The following DOCK9 variants were observed in gnomAD, a reference collection of about 807,000 sequenced individuals.
The protein encoded by DOCK9 is dedicator of cytokinesis protein 9.
A neutral mutation model predicts 263.3 loss-of-function variants in DOCK9; 89 were observed. The ratio of observed to expected loss-of-function variants is 0.34; its 90% confidence interval spans 0.28 to 0.40. The LOEUF is 0.40. Ranked by LOEUF, DOCK9 falls within the 10% of genes least tolerant of loss-of-function variation. The pLI, the probability that DOCK9 is intolerant of heterozygous loss-of-function variation, is 1.00. For missense variants in DOCK9, 2,140 were observed against 2,603.4 expected (o/e 0.82, Z 3.87); for synonymous variants, 976 against 973.1 (o/e 1.00, Z -0.06).
intron 2 of DOCK9, among the ~76,000 whole-genome samples, chr13:98,940,792 C>G (rs2055704562): frequency 6.6e-6 from 1 of 152,148 alleles, no homozygotes; most frequent in African/African-American, 2.4e-5. Context: ...AAAGTACCCA[C>G]AGCGATGCAC....
chr13:98,800,315 G>A lies in DOCK9; in HGVS notation c.5889C>T (p.Leu1963=). The A allele has an allele frequency of 1.2e-6, 2 of 1,608,720 alleles. No individual in the cohort carries two copies. The highest frequency in any genetic ancestry group is 2.2e-5 in the East Asian group (1 of 44,708). ...SAEVDMIKLQ[L]KLQGSVSVQV... Reference sequence around the variant, plus strand: ...GAACACTCACGCTGCCCTGGAGTTTGAGCTGCAGTTTGATCATGTCCACCT... The same window carrying A: ...GAACACTCACGCTGCCCTGGAGTTTAAGCTGCAGTTTGATCATGTCCACCT... Residue 1963 remains leucine, a synonymous_variant, in exon 50 of 53, where the codon CTC becomes CTT. Coordinates refer to ENST00000682017, the MANE Select transcript of DOCK9 (RefSeq NM_001366683.2).
chr13:98,928,159 T>G (rs1305506212), intron 3 of DOCK9, among the ~76,000 whole-genome samples: 1 of 152,112 alleles, frequency 6.6e-6, no homozygotes, highest in Non-Finnish European at 1.5e-5. Context: ...CCCCCACCCC[T>G]CTGGGGATGC....
chr13:98,930,273 G>A lies in DOCK9; in HGVS notation c.244-16C>T. ...GGATGGCCGTCTGGAAACAAAAACA[G>A]GAGGAAAAGCCTTGGGTAAGTGAAG... On this transcript the variant is annotated splice_polypyrimidine_tract_variant and intron_variant, in intron 2 of 52. Coordinates refer to ENST00000682017, the MANE Select transcript of DOCK9 (RefSeq NM_001366683.2). The A allele has an allele frequency of 6.3e-7, 1 of 1,599,988 alleles. No homozygotes were observed. The highest frequency in any genetic ancestry group is 8.5e-7 in the Non-Finnish European group (1 of 1,172,544).
At chr13:98,873,738 C>A (rs1462751410) in intron 27 of DOCK9, among the ~76,000 whole-genome samples, 1 of 152,208 alleles carries the variant, frequency 6.6e-6, no homozygotes, top group Non-Finnish European at 1.5e-5. Flanking sequence ...GGAACAGAAG[C>A]CTCTTATGAG....
At chr13:99,032,430 C>T (rs1252728707) in intron 1 of DOCK9, among the ~76,000 whole-genome samples, 1 of 150,428 alleles carries the variant, frequency 6.6e-6, no homozygotes, top group African/African-American at 2.5e-5. Flanking sequence ...GAGCTGAGAT[C>T]ACACCACTGC....
intron 1 of DOCK9, among the ~76,000 whole-genome samples, chr13:99,039,252 A>G (rs1322770281): frequency 1.3e-5 from 2 of 152,220 alleles, no homozygotes; most frequent in Admixed American, 6.5e-5. Context: ...TCTACCATAC[A>G]TAAGGCAGGA....
At chr13:99,062,216 T>C (rs929481411) in intron 1 of DOCK9, among the ~76,000 whole-genome samples, 7 of 152,192 alleles carry the variant, frequency 4.6e-5, no homozygotes, top group Non-Finnish European at 5.9e-5. Context: ...CCTAAGAGCA[T>C]CTGACAAGCC....
At chr13:98,991,348 G>A (rs541383005) in intron 1 of DOCK9, among the ~76,000 whole-genome samples, 1 of 152,100 alleles carries the variant, frequency 6.6e-6, no homozygotes, top group Non-Finnish European at 1.5e-5. Flanking sequence ...GGGATTACAG[G>A]CGCGAGCCAC....
At chr13:99,072,959 A>G (rs2041746170) in intron 1 of DOCK9, among the ~76,000 whole-genome samples, 1 of 152,090 alleles carries the variant, frequency 6.6e-6, no homozygotes, top group Non-Finnish European at 1.5e-5. Context: ...AAATCACACC[A>G]CTGCACTCCA....
chr13:98,800,977 A>G (rs926882464), intron 49 of DOCK9, among the ~76,000 whole-genome samples: 1 of 152,232 alleles, frequency 6.6e-6, no homozygotes, highest in Non-Finnish European at 1.5e-5. Flanking sequence ...GTAGAAAATA[A>G]TAAGTAAGAA....
chr13:98,940,172 A>G (rs1015838567), intron 2 of DOCK9, among the ~76,000 whole-genome samples: 1 of 152,180 alleles, frequency 6.6e-6, no homozygotes, highest in African/African-American at 2.4e-5. Context: ...TTACCTCACA[A>G]TTCATGTCTT....
intron 3 of DOCK9, among the ~76,000 whole-genome samples, chr13:98,929,673 A>C (rs918942115): frequency 6.6e-6 from 1 of 151,594 alleles, no homozygotes; most frequent in African/African-American, 2.4e-5. Context: ...AGTAATCAAT[A>C]TATATAATAA....
At chr13:99,051,207 G>C (rs1171944854) in intron 1 of DOCK9, among the ~76,000 whole-genome samples, 1 of 152,226 alleles carries the variant, frequency 6.6e-6, no homozygotes, top group Admixed American at 6.5e-5. Context: ...CCTCTGGCAT[G>C]TTCTTTGCCT....
In DOCK9 at chr13:99,082,533, T is replaced by TAATAAATA. The variant is rs377382167; in HGVS notation, c.129+3682_129+3689dup. On this transcript the variant is annotated intron_variant, in intron 1 of 32. Transcript: ENST00000427887. ...AGACTCCATCTCAAAAAAATAATAA[T>TAATAAATA]AATAAATAAATAAATAAATAAATAA... Among the ~76,000 whole-genome samples the TAATAAATA allele has an allele frequency of 8.5e-3, 868 of 101,562 alleles. 7 individuals are homozygous for TAATAAATA. The highest frequency in any genetic ancestry group is 0.015 in the African/African-American group (473 of 31,636). 66.6% of individuals were successfully genotyped at this position (101,562 alleles called of 152,430 possible). A position where few individuals can be genotyped will look rare whatever the true frequency, so the allele number is the denominator to read the frequency against.
intron 2 of DOCK9, among the ~76,000 whole-genome samples, chr13:98,943,310 C>T (rs2056235470): frequency 6.6e-6 from 1 of 152,228 alleles, no homozygotes; most frequent in African/African-American, 2.4e-5. Context: ...CTCATGCACA[C>T]ACTCAAGGGT....
At chr13:98,992,848 G>A (rs569850280) in intron 1 of DOCK9, among the ~76,000 whole-genome samples, 2 of 152,296 alleles carry the variant, frequency 1.3e-5, no homozygotes, top group African/African-American at 4.8e-5. Context: ...TGCTGGCTCA[G>A]GGAGCAAACT....
chr13:99,085,451 C>CGGCGCT (rs2142517705), intron 1 of DOCK9, among the ~76,000 whole-genome samples: 2 of 152,340 alleles, frequency 1.3e-5, no homozygotes, highest in South Asian at 2.1e-4. Context: ...ACAGCAGGAC[C>CGGCGCT]GGCGCTGGCT....
At chr13:98,969,676 G>A (rs561754090) in intron 1 of DOCK9, among the ~76,000 whole-genome samples, 1 of 152,312 alleles carries the variant, frequency 6.6e-6, no homozygotes, top group South Asian at 2.1e-4. Flanking sequence ...GTGGGGAGAG[G>A]GTTTGCAAGG....
intron 45 of DOCK9, among the ~76,000 whole-genome samples, chr13:98,818,852 C>T (rs549642475): frequency 2.2e-4 from 33 of 150,374 alleles, no homozygotes; most frequent in African/African-American, 7.1e-4. Flanking sequence ...TGTGTGTGTG[C>T]GCACACATGT....
Sources: gnomAD v4.1 joint callset for allele counts (sites outside exome capture counted in the v4.1 genomes callset) on GRCh38, gnomAD v4.1.1 for gene constraint, MANE v1.5 for transcripts, NCBI Gene and HGNC (gene_info 2026-07-23, HGNC 2026-07-21) for gene names.